The following PRDM16 variants were observed in gnomAD, a reference collection of about 807,000 sequenced individuals.
The protein encoded by PRDM16 is histone-lysine N-methyltransferase PRDM16.
Under a neutral mutation model 110.6 loss-of-function variants are expected in PRDM16, and 23 were observed. That is an observed-to-expected ratio of 0.21 (90% CI 0.15 to 0.29). PRDM16 has a LOEUF of 0.29. Ranked by LOEUF, PRDM16 falls within the 10% of genes least tolerant of loss-of-function variation. The probability of loss-of-function intolerance (pLI) is 1.00; values close to 1 mark genes in which losing one functional copy is unlikely to be tolerated. For synonymous variants in PRDM16, 799 were observed against 781.8 expected (o/e 1.02, Z -0.37); for missense variants, 1,615 against 1,794.3 (o/e 0.90, Z 1.81).
intron 2 of PRDM16, among the ~76,000 whole-genome samples, chr1:3,216,116 A>C (rs1639026515): frequency 6.6e-6 from 1 of 152,116 alleles, no homozygotes. Context: ...GTTTGGGATT[A>C]ATCTTTACTG....
chr1:3,113,756 T>A (rs1391168830), intron 1 of PRDM16, among the ~76,000 whole-genome samples: 2 of 152,100 alleles, frequency 1.3e-5, no homozygotes, highest in African/African-American at 4.8e-5. Flanking sequence ...AGAACCCCCG[T>A]CTGGGGGCCC....
chr1:3,086,652 G>A (rs1401836066), intron 1 of PRDM16, among the ~76,000 whole-genome samples: 1 of 152,110 alleles, frequency 6.6e-6, no homozygotes, highest in African/African-American at 2.4e-5. Context: ...CCAGACCCAG[G>A]CCCGGCCACT....
intron 1 of PRDM16, among the ~76,000 whole-genome samples, chr1:3,149,536 C>T (rs1643738921): frequency 6.6e-6 from 1 of 152,168 alleles, no homozygotes; most frequent in Non-Finnish European, 1.5e-5. Context: ...ATCCAGACTC[C>T]GCCTGGGCCT....
At chr1:3,366,517 A>G (rs957798196) in intron 3 of PRDM16, among the ~76,000 whole-genome samples, 3 of 152,208 alleles carry the variant, frequency 2.0e-5, no homozygotes, top group Non-Finnish European at 4.4e-5. Context: ...TCCGGGGGCC[A>G]GTGTGGCTTA....
Position 3,114,189 on chromosome 1 carries a change from ACACGCACACG to A in PRDM16, c.37+44903_37+44912del, listed in dbSNP as rs1163334893. On this transcript the variant is annotated intron_variant, in intron 1 of 16. Transcript: ENST00000270722. ...CGCACACACACGCACACACACGCAC[ACACGCACACG>A]CACGCACACACGCACACGAACACAC... Among the ~76,000 whole-genome samples the A allele has an allele frequency of 8.1e-5, 7 of 86,544 alleles. 1 individual carries two copies. Among genetic ancestry groups the A allele is most frequent in the East Asian group, 8.1e-4 (1 of 1,230 alleles). The allele number at this position is 86,544 out of a possible 152,430, so 56.8% of individuals were successfully genotyped here.
intron 1 of PRDM16, among the ~76,000 whole-genome samples, chr1:3,142,791 T>G (rs540619095): frequency 6.6e-6 from 1 of 152,106 alleles, no homozygotes; most frequent in East Asian, 1.9e-4. Flanking sequence ...GGGAGGCATC[T>G]GGAAGGGGCA....
At chr1:3,386,171 G>A (rs182453548) in intron 4 of PRDM16, among the ~76,000 whole-genome samples, 27 of 152,238 alleles carry the variant, frequency 1.8e-4, no homozygotes, top group Non-Finnish European at 3.7e-4. Flanking sequence ...CGGGGTCCCC[G>A]GCCCCTTACA....
chr1:3,437,901 G>A lies in PRDM16; in HGVS notation c.*4090G>A, dbSNP rs1441128088. 4.5e-6 allele frequency: 1 copy of A among 220,518 alleles called. No homozygotes were observed. The highest frequency in any genetic ancestry group is 2.2e-5 in the African/African-American group (1 of 44,580). The allele number at this position is 220,518 out of a possible 1,614,324, so 13.7% of individuals were successfully genotyped here. ...AGGGATGCTGAGCCCTGGTGTCAGAGTCGTAATTTAAAGCGTGTGTGTATA... is the reference window on the plus strand; with the variant it reads ...AGGGATGCTGAGCCCTGGTGTCAGAATCGTAATTTAAAGCGTGTGTGTATA... On this transcript the variant is annotated 3_prime_UTR_variant, in exon 17 of 17. Transcript: ENST00000270722.
chr1:3,250,466 G>A (rs915508712), intron 3 of PRDM16, among the ~76,000 whole-genome samples: 2 of 151,600 alleles, frequency 1.3e-5, no homozygotes, highest in South Asian at 2.1e-4. Context: ...TTTTGCCGCC[G>A]CCCCCCCACC....
intron 14 of PRDM16, among the ~76,000 whole-genome samples, chr1:3,429,978 C>CG (rs543421747): frequency 1.2e-4 from 18 of 152,330 alleles, no homozygotes; most frequent in Non-Finnish European, 2.5e-4. Flanking sequence ...GCAGTGCCCC[C>CG]GGGCGGAGTG....
chr1:3,223,590 C>T (rs942650970), intron 2 of PRDM16, among the ~76,000 whole-genome samples: 2 of 152,168 alleles, frequency 1.3e-5, no homozygotes, highest in Non-Finnish European at 2.9e-5. Flanking sequence ...TTTTCTTGAG[C>T]TCAAACTAAA....
At position 3,370,585 on chromosome 1, in the gene PRDM16, G is replaced by A. The variant is rs1642888275; in HGVS notation, c.439-14567G>A. 6.6e-6 allele frequency among the ~76,000 whole-genome samples: 1 copy of A among 152,172 alleles called. No homozygotes were observed. Among genetic ancestry groups the A allele is most frequent in the African/African-American group, 2.4e-5 (1 of 41,446 alleles). On this transcript the variant is annotated intron_variant, in intron 3 of 16. Transcript: ENST00000270722. This position sits in a 1 kb window ranked among gnomAD's most constrained non-coding sequence, Gnocchi z 4.8. ...GACGTGATAGCCATGGCCCAGTGCA[G>A]TGTCCATGCTAAGAAGGGCAGGGAC...
At chr1:3,396,823 G>A (rs1199610070) in intron 5 of PRDM16, among the ~76,000 whole-genome samples, 1 of 152,202 alleles carries the variant, frequency 6.6e-6, no homozygotes. Flanking sequence ...CTCTTCCCTG[G>A]GGCATCCAGG....
chr1:3,230,660 G>A (rs1639385537), intron 2 of PRDM16, among the ~76,000 whole-genome samples: 1 of 152,216 alleles, frequency 6.6e-6, no homozygotes, highest in African/African-American at 2.4e-5. Flanking sequence ...AGCTGAGAAG[G>A]CAGCTCCGAC....
intron 3 of PRDM16, among the ~76,000 whole-genome samples, chr1:3,365,543 G>A (rs1642794263): frequency 6.6e-6 from 1 of 152,210 alleles, no homozygotes. Flanking sequence ...TGGACCATGG[G>A]GTGATCCATG....
intron 4 of PRDM16, chr1:3,394,540 G>A: frequency 2.4e-6 from 1 of 418,930 alleles, no homozygotes; most frequent in Non-Finnish European, 4.8e-6. Flanking sequence ...CAAGGGGCGG[G>A]CGGCCAGGGT....
chr1:3,406,802 G>A (rs1643570399), intron 8 of PRDM16, among the ~76,000 whole-genome samples: 1 of 152,196 alleles, frequency 6.6e-6, no homozygotes. Context: ...AAGGGGCCTT[G>A]TGGGCCAGTG....
At chr1:3,172,914 G>A (rs553717021) in intron 1 of PRDM16, among the ~76,000 whole-genome samples, 14 of 152,216 alleles carry the variant, frequency 9.2e-5, no homozygotes, top group Non-Finnish European at 1.6e-4. Flanking sequence ...TGAGCTGTGC[G>A]CTGAACAATG....
intron 3 of PRDM16, among the ~76,000 whole-genome samples, chr1:3,288,993 C>T (rs920907897): frequency 4.6e-5 from 7 of 152,222 alleles, no homozygotes; most frequent in Non-Finnish European, 1.0e-4. Flanking sequence ...CTCACCACCT[C>T]CTCACAGGGC....
Sources: gnomAD v4.1 joint callset for allele counts (sites outside exome capture counted in the v4.1 genomes callset) on GRCh38, gnomAD v4.1.1 for gene constraint, Gnocchi (gnomAD v3.1) non-coding constraint, MANE v1.5 for transcripts, NCBI Gene and HGNC (gene_info 2026-07-23, HGNC 2026-07-21) for gene names.